The following NDUFAF2 variants were observed in gnomAD, a reference collection of about 807,000 sequenced individuals.
The protein encoded by NDUFAF2 is NADH dehydrogenase [ubiquinone] 1 alpha subcomplex assembly factor 2.
A neutral mutation model predicts 22.8 loss-of-function variants in NDUFAF2; 13 were observed. The ratio of observed to expected loss-of-function variants is 0.57; its 90% CI spans 0.37 to 0.91. NDUFAF2 has a LOEUF of 0.91. Among genes scored for constraint, NDUFAF2 ranks in the 40% least tolerant of loss-of-function variants. The pLI is 0.01. For synonymous variants in NDUFAF2, 53 were observed against 64.2 expected, an observed-to-expected ratio of 0.83 and a Z score of 0.84; for missense variants, 162 against 195.2, an observed-to-expected ratio of 0.83 and a Z score of 1.01.
chr5:61,120,610 A>T (rs947226030), intron 3 of NDUFAF2, among the ~76,000 whole-genome samples: 2 of 152,186 alleles, frequency 1.3e-5, no homozygotes, highest in Non-Finnish European at 2.9e-5. Context: ...TAAGTTGAAT[A>T]TAAATAAGGT....
At chr5:61,010,190 C>G (rs973635162) in intron 1 of NDUFAF2, among the ~76,000 whole-genome samples, 2 of 152,080 alleles carry the variant, frequency 1.3e-5, no homozygotes, top group African/African-American at 4.8e-5. Flanking sequence ...ACACTCTGGT[C>G]TTGGTGAGAT....
At chr5:61,026,357 A>G (rs185412649) in intron 1 of NDUFAF2, among the ~76,000 whole-genome samples, 96 of 152,262 alleles carry the variant, frequency 6.3e-4, no homozygotes, top group African/African-American at 2.1e-3. Flanking sequence ...AAAGAAAAAT[A>G]TAGACAGCCA....
At chr5:61,117,751 G>A (rs1290681347) in intron 3 of NDUFAF2, among the ~76,000 whole-genome samples, 1 of 152,020 alleles carries the variant, frequency 6.6e-6, no homozygotes, top group African/African-American at 2.4e-5. Context: ...TTTCGGCAGG[G>A]TATCAGATAG....
chr5:61,128,881 A>C (rs1036099605), intron 3 of NDUFAF2, among the ~76,000 whole-genome samples: 1 of 152,152 alleles, frequency 6.6e-6, no homozygotes, highest in Non-Finnish European at 1.5e-5. Context: ...AATGGGAGAA[A>C]ACTTTTGCAA....
At chr5:60,985,774 A>G (rs1457583615) in intron 1 of NDUFAF2, among the ~76,000 whole-genome samples, 2 of 152,128 alleles carry the variant, frequency 1.3e-5, no homozygotes, top group African/African-American at 2.4e-5. Flanking sequence ...CTCATTCACT[A>G]TCATGAGATC....
chr5:61,048,137 T>A (rs1022098877), intron 1 of NDUFAF2, among the ~76,000 whole-genome samples: 1 of 152,182 alleles, frequency 6.6e-6, no homozygotes, highest in Non-Finnish European at 1.5e-5. Context: ...ATACTTTTTT[T>A]AAGTTCTAAT....
At chr5:60,962,141 A>T (rs1035252472) in intron 1 of NDUFAF2, among the ~76,000 whole-genome samples, 1 of 151,638 alleles carries the variant, frequency 6.6e-6, no homozygotes, top group African/African-American at 2.4e-5. Flanking sequence ...CTTAGGCAAC[A>T]TATCTTTCAC....
rs567494900 is a variant in NDUFAF2, at chr5:61,111,106, G to T, written c.258+12074G>T. On this transcript the variant is annotated intron_variant, in intron 3 of 3. Transcript: ENST00000296597. ...TTTCAAGGAGCATATTAATTTCCAT[G>T]TGTTTGTATAGTTTCCAAAATTCCT... Among the ~76,000 whole-genome samples the T allele has an allele frequency of 9.2e-5, 14 of 152,214 alleles. No individual in the cohort carries two copies. The South Asian group carries it at 2.7e-3, about 29-fold the overall frequency.
Position 61,020,993 on chromosome 5 carries a change from C to A in NDUFAF2, c.128-52132C>A, listed in dbSNP as rs1580098342. Among the ~76,000 whole-genome samples the A allele has an allele frequency of 5.1e-5, 6 of 116,616 alleles. No individual in the cohort carries two copies. The South Asian group carries it at 1.7e-3, about 32-fold the overall frequency. 76.5% of individuals were successfully genotyped at this position (116,616 alleles called of 152,430 possible). On this transcript the variant is annotated intron_variant, in intron 1 of 3. Coordinates refer to ENST00000296597, the MANE Select transcript of NDUFAF2 (RefSeq NM_174889.5). Reference sequence around the variant, plus strand: ...ACAGGCATGAGCCACTGCGTCCAGCCTTTTTTTTTTTTTTTTTTTGCTATT... The same window carrying A: ...ACAGGCATGAGCCACTGCGTCCAGCATTTTTTTTTTTTTTTTTTTGCTATT...
rs921723934 is a variant in NDUFAF2 at position 60,980,584 on chromosome 5, C to A, written c.127+35202C>A. ...GTCAGAAGTTCGAGACCATCCTGGGCAACATGGTAAAACCCTGTCTCTACT... is the reference window on the plus strand; with the variant it reads ...GTCAGAAGTTCGAGACCATCCTGGGAAACATGGTAAAACCCTGTCTCTACT... On this transcript the variant is annotated intron_variant, in intron 1 of 3. Transcript: ENST00000296597. 2.0e-5 allele frequency among the ~76,000 whole-genome samples: 3 copies of A among 152,032 alleles called. 1 individual carries two copies. The East Asian group carries it at 5.8e-4, about 29-fold the overall frequency.
chr5:61,045,353 T>TTTTAATAAAATAAAA (rs1479682585), intron 1 of NDUFAF2, among the ~76,000 whole-genome samples: 2 of 147,476 alleles, frequency 1.4e-5, no homozygotes, highest in African/African-American at 5.0e-5. Flanking sequence ...AATTTTTATT[T>TTTTAATAAAATAAAA]TAAAATTTCA....
At chr5:61,079,278 A>T (rs1293609037) in intron 2 of NDUFAF2, among the ~76,000 whole-genome samples, 1 of 152,168 alleles carries the variant, frequency 6.6e-6, no homozygotes, top group Non-Finnish European at 1.5e-5. Context: ...AGGCCACAGG[A>T]ACTCCTTATA....
chr5:60,987,712 G>C (rs767966023), intron 1 of NDUFAF2, among the ~76,000 whole-genome samples: 15 of 152,114 alleles, frequency 9.9e-5, no homozygotes, highest in Non-Finnish European at 1.9e-4. Flanking sequence ...TGCAGAAAAA[G>C]CTTTTGATAA....
Position 60,964,880 on chromosome 5 carries a change from T to G in NDUFAF2, c.127+19498T>G, listed in dbSNP as rs1273871269. Among the ~76,000 whole-genome samples, 3 of 152,320 alleles carry G rather than the reference T, an allele frequency of 2.0e-5. No homozygotes were observed. The East Asian group carries it at 5.8e-4, about 29-fold the overall frequency. On this transcript the variant is annotated intron_variant, in intron 1 of 3. Coordinates refer to ENST00000296597, the MANE Select transcript of NDUFAF2 (RefSeq NM_174889.5). ...CTACCACCCACCAGACTCTGGTAAC[T>G]CCTCCTGTTCCTGCCCTTTTTTGAC...
intron 1 of NDUFAF2, among the ~76,000 whole-genome samples, chr5:61,027,954 G>A (rs1186949276): frequency 6.6e-6 from 1 of 151,866 alleles, no homozygotes; most frequent in Non-Finnish European, 1.5e-5. Flanking sequence ...TTAGGTTCTG[G>A]GGATATGTTA....
chr5:61,132,988 G>A (rs531512166), intron 3 of NDUFAF2, among the ~76,000 whole-genome samples: 1 of 152,010 alleles, frequency 6.6e-6, no homozygotes, highest in East Asian at 1.9e-4. Context: ...ATGGTGGCGG[G>A]GGTGGGGGCA....
chr5:61,074,324 C>T (rs1485506523), intron 2 of NDUFAF2, among the ~76,000 whole-genome samples: 2 of 152,282 alleles, frequency 1.3e-5, no homozygotes, highest in East Asian at 3.9e-4. Context: ...TGTGGTGGCT[C>T]ATGCCTGTAA....
At chr5:61,030,467 G>T (rs1308192518) in intron 1 of NDUFAF2, among the ~76,000 whole-genome samples, 1 of 152,042 alleles carries the variant, frequency 6.6e-6, no homozygotes, top group Non-Finnish European at 1.5e-5. Flanking sequence ...GTCAACAACA[G>T]ATCTCAGCTC....
rs1561549989 is a variant in NDUFAF2 at position 61,045,065 on chromosome 5, A to AATTTTATTAAATT, written c.128-28060_128-28059insATTTTATTAAATT. Among the ~76,000 whole-genome samples the AATTTTATTAAATT allele has an allele frequency of 3.3e-5, 3 of 91,152 alleles. 1 individual carries two copies. In the South Asian group the frequency reaches 1.1e-3, roughly 33 times the overall value. 59.8% of individuals were successfully genotyped at this position (91,152 alleles called of 152,430 possible). On this transcript the variant is annotated intron_variant, in intron 1 of 3. Transcript: ENST00000296597. The stretch of plus-strand genomic sequence containing the variant: ...TTAACATTTTAATAAAGTAAAATAA[A>AATTTTATTAAATT]GTTTTATTAAAATTTAATAAAATAA...
Sources: allele counts gnomAD v4.1 joint callset (sites outside exome capture counted in the v4.1 genomes callset), GRCh38; gene constraint gnomAD v4.1.1; transcripts MANE v1.5; gene names NCBI Gene and HGNC (gene_info 2026-07-23, HGNC 2026-07-21).